Variants in DYM observed in about 807,000 individuals in gnomAD.
DYM encodes dyggve-Melchior-Clausen syndrome protein.
Under a neutral mutation model 93.1 loss-of-function variants are expected in DYM, and 78 were observed. That is an observed-to-expected ratio of 0.84 (90% CI 0.70 to 1.01). The LOEUF is 1.01. Among genes scored for constraint, DYM ranks in the 50% least tolerant of loss-of-function variants. The pLI, the probability that DYM is intolerant of heterozygous loss-of-function variation, is 0.00. For missense variants in DYM, 789 were observed against 845.0 expected, an observed-to-expected ratio of 0.93 and a Z score of 0.82; for synonymous variants, 321 against 319.7, an observed-to-expected ratio of 1.00 and a Z score of -0.04.
intron 16 of DYM, among the ~76,000 whole-genome samples, chr18:49,108,079 G>T (rs145288603): frequency 1.4e-5 from 2 of 144,960 alleles, no homozygotes; most frequent in Non-Finnish European, 2.9e-5. Flanking sequence ...TGGCCACTTT[G>T]TTTACCTACT....
At chr18:49,063,454 A>C (rs1054862325) in intron 17 of DYM, among the ~76,000 whole-genome samples, 2 of 151,986 alleles carry the variant, frequency 1.3e-5, no homozygotes, top group African/African-American at 4.8e-5. Flanking sequence ...TAAGAAACTA[A>C]ATGTGGTTTA....
At chr18:49,297,735 C>A (rs1359803646) in intron 8 of DYM, among the ~76,000 whole-genome samples, 5 of 148,414 alleles carry the variant, frequency 3.4e-5, no homozygotes, top group African/African-American at 7.5e-5. Context: ...ACAAAAGAAA[C>A]AATAAAATTT....
At chr18:49,049,451 C>T (rs954795047) in intron 17 of DYM, among the ~76,000 whole-genome samples, 2 of 152,136 alleles carry the variant, frequency 1.3e-5, no homozygotes, top group African/African-American at 4.8e-5. Context: ...AGCTGAGTGA[C>T]CTTGGACTAG....
intron 13 of DYM, among the ~76,000 whole-genome samples, chr18:49,254,613 G>GTT (rs1325116472): frequency 2.6e-5 from 4 of 152,062 alleles, no homozygotes; most frequent in Admixed American, 2.6e-4. Context: ...TGGACACAGT[G>GTT]TTTTTATATG....
intron 15 of DYM, among the ~76,000 whole-genome samples, chr18:49,141,770 T>C (rs934196587): frequency 1.3e-5 from 2 of 152,230 alleles, no homozygotes; most frequent in African/African-American, 2.4e-5. Context: ...CACTAGCTTC[T>C]TGAGGCAAGG....
intron 10 of DYM, among the ~76,000 whole-genome samples, chr18:49,272,903 CTAAAG>C (rs2094744747): frequency 6.6e-6 from 1 of 151,866 alleles, no homozygotes; most frequent in Admixed American, 6.6e-5. Context: ...TCCTTCTTCA[CTAAAG>C]TAAGGAGGTT....
rs1377278085 is a variant in DYM at position 49,333,859 on chromosome 18, A to AC, written c.495-7_495-6insG. ...ATATTTCATATGTAATATCTCTAAA[A>AC]TGGAAGAAAAACAGAGTAACAGTCA... On this transcript the variant is annotated splice_region_variant and splice_polypyrimidine_tract_variant and intron_variant, in intron 6 of 17. Coordinates refer to ENST00000675505, the MANE Select transcript of DYM (RefSeq NM_001353214.3). 2 of 1,605,124 alleles carry AC rather than the reference A, an allele frequency of 1.2e-6. No homozygotes were observed. The highest frequency in any genetic ancestry group is 2.2e-5 in the South Asian group (2 of 90,772).
intron 13 of DYM, among the ~76,000 whole-genome samples, chr18:49,219,050 G>T (rs1158248274): frequency 1.3e-5 from 2 of 152,082 alleles, no homozygotes; most frequent in Non-Finnish European, 2.9e-5. Context: ...TCAAATAGAT[G>T]CAATAAAAAA....
At chr18:49,190,544 C>T (rs2090866500) in intron 14 of DYM, among the ~76,000 whole-genome samples, 1 of 152,154 alleles carries the variant, frequency 6.6e-6, no homozygotes, top group African/African-American at 2.4e-5. Context: ...GGGTCTTGAA[C>T]TTCCTATTGG....
intron 17 of DYM, among the ~76,000 whole-genome samples, chr18:49,093,942 G>C (rs562000668): frequency 2.0e-5 from 3 of 152,082 alleles, no homozygotes; most frequent in Admixed American, 6.5e-5. Flanking sequence ...TAAAATAAAG[G>C]CTTTAAAAAT....
At chr18:49,102,866 C>CAATAAACACACGTGTGCATGTGTCTTT (rs2080328085) in intron 16 of DYM, among the ~76,000 whole-genome samples, 2 of 152,154 alleles carry the variant, frequency 1.3e-5, no homozygotes, top group Non-Finnish European at 2.9e-5. Context: ...AATAGTGCTG[C>CAATAAACACACGTGTGCATGTGTCTTT]AATAAACACA....
At chr18:49,084,618 G>A (rs1381991026) in intron 17 of DYM, among the ~76,000 whole-genome samples, 1 of 151,994 alleles carries the variant, frequency 6.6e-6, no homozygotes, top group Non-Finnish European at 1.5e-5. Flanking sequence ...TTATTTTGGG[G>A]AATTTTTTTA....
At chr18:49,192,075 T>A (rs1004585516) in intron 14 of DYM, among the ~76,000 whole-genome samples, 1 of 150,658 alleles carries the variant, frequency 6.6e-6, no homozygotes, top group Non-Finnish European at 1.5e-5. Flanking sequence ...ACTATACATA[T>A]GTGCCACCAT....
At chr18:49,217,166 G>A (rs1195746410) in intron 13 of DYM, among the ~76,000 whole-genome samples, 1 of 152,170 alleles carries the variant, frequency 6.6e-6, no homozygotes. Context: ...GATGCAAGAT[G>A]AAATGAATGA....
intron 17 of DYM, among the ~76,000 whole-genome samples, chr18:49,054,192 T>C (rs1388158444): frequency 6.6e-6 from 1 of 152,208 alleles, no homozygotes; most frequent in South Asian, 2.1e-4. Context: ...ACATCAGCAA[T>C]GAATGTGGAA....
rs75946178 is a variant in DYM at position 49,459,551 on chromosome 18, G to A, written c.-54+847C>T. 7.1e-3 allele frequency among the ~76,000 whole-genome samples: 1,079 copies of A among 151,766 alleles called. 19 individuals carry two copies. The highest frequency in any genetic ancestry group is 0.025 in the African/African-American group (1,033 of 41,346). ...CCTCTCCACGGCCTCCACCCTCCAG[G>A]TTTTCATCCTTCAGCACATCACCCT... On this transcript the variant is annotated intron_variant, in intron 1 of 17. Coordinates refer to ENST00000675505, the MANE Select transcript of DYM (RefSeq NM_001353214.3).
At chr18:49,087,975 T>C (rs2078699710) in intron 17 of DYM, among the ~76,000 whole-genome samples, 1 of 152,228 alleles carries the variant, frequency 6.6e-6, no homozygotes, top group Non-Finnish European at 1.5e-5. Flanking sequence ...TGTTTTTTTC[T>C]TGTAAATTTG....
chr18:49,166,375 T>C (rs1182274852), intron 14 of DYM, among the ~76,000 whole-genome samples: 1 of 152,204 alleles, frequency 6.6e-6, no homozygotes, highest in African/African-American at 2.4e-5. Flanking sequence ...TATACCGTAA[T>C]TTATTTAGTC....
intron 2 of DYM, among the ~76,000 whole-genome samples, chr18:49,396,472 A>G (rs2070106639): frequency 6.6e-6 from 1 of 152,218 alleles, no homozygotes; most frequent in Non-Finnish European, 1.5e-5. Flanking sequence ...AAAATCCAAA[A>G]TAGTACAGTG....
Sources: gnomAD v4.1 joint callset for allele counts (sites outside exome capture counted in the v4.1 genomes callset) on GRCh38, gnomAD v4.1.1 for gene constraint, MANE v1.5 for transcripts, NCBI Gene and HGNC (gene_info 2026-07-23, HGNC 2026-07-21) for gene names.